MAPK6: variants seen among roughly 807,000 people sequenced by gnomAD.
MAPK6 encodes the protein ERK-3.
Under a neutral mutation model 59.3 loss-of-function variants are expected in MAPK6, and 19 were observed. That is an observed-to-expected ratio of 0.32 (90% confidence interval 0.22 to 0.47). The LOEUF is 0.47. MAPK6 is among the 20% of genes least tolerant of loss of function. MAPK6 has a pLI of 1.00. For synonymous variants in MAPK6, 316 were observed against 290.3 expected, an observed-to-expected ratio of 1.09 and a Z score of -0.90; for missense variants, 724 against 847.9, an observed-to-expected ratio of 0.85 and a Z score of 1.81.
At chr15:52,053,498 A>G (rs1190890013) in intron 3 of MAPK6, among the ~76,000 whole-genome samples, 7 of 152,242 alleles carry the variant, frequency 4.6e-5, no homozygotes, top group Non-Finnish European at 7.3e-5. Flanking sequence ...AATTCTTTAC[A>G]TAATTCTGAA....
intron 2 of MAPK6, among the ~76,000 whole-genome samples, chr15:52,000,834 A>T (rs991812693): frequency 2.0e-5 from 3 of 151,872 alleles, no homozygotes; most frequent in Non-Finnish European, 4.4e-5. Flanking sequence ...TTAGGGGTAC[A>T]GTTGTTTTTT....
At chr15:52,028,884 A>G (rs2030917197) in intron 1 of MAPK6, among the ~76,000 whole-genome samples, 1 of 152,184 alleles carries the variant, frequency 6.6e-6, no homozygotes, top group Admixed American at 6.5e-5. Context: ...TACTCTAGTC[A>G]AGGTTGCCAG....
chr15:51,996,445 G>T (rs1417285882), intron 2 of MAPK6, among the ~76,000 whole-genome samples: 2 of 152,068 alleles, frequency 1.3e-5, no homozygotes, highest in African/African-American at 4.8e-5. Context: ...ACCCAGGCTG[G>T]AGTGCAGTGG....
intron 3 of MAPK6, among the ~76,000 whole-genome samples, chr15:52,010,621 C>T (rs540922632): frequency 2.0e-5 from 3 of 150,062 alleles, no homozygotes; most frequent in South Asian, 2.1e-4. Flanking sequence ...TGGGTTCAAG[C>T]GATTCTCCTG....
intron 1 of MAPK6, among the ~76,000 whole-genome samples, chr15:52,037,340 C>A (rs2031276349): frequency 6.6e-6 from 1 of 152,178 alleles, no homozygotes; most frequent in African/African-American, 2.4e-5. Flanking sequence ...AGACCCTCAC[C>A]AGAGTTAGCT....
At chr15:51,978,727 G>C (rs1267944934) in intron 1 of MAPK6, among the ~76,000 whole-genome samples, 1 of 151,464 alleles carries the variant, frequency 6.6e-6, no homozygotes, top group Non-Finnish European at 1.5e-5. Context: ...TTGGATTTCA[G>C]AATTTTGAAA....
At chr15:52,010,130 T>G (rs1003338053) in intron 3 of MAPK6, among the ~76,000 whole-genome samples, 3 of 152,166 alleles carry the variant, frequency 2.0e-5, no homozygotes, top group Non-Finnish European at 4.4e-5. Context: ...GAGAAAATGA[T>G]AGAACGTTTG....
intron 3 of MAPK6, among the ~76,000 whole-genome samples, chr15:52,054,337 C>T (rs1178051283): frequency 7.2e-6 from 1 of 139,784 alleles, no homozygotes; most frequent in East Asian, 2.1e-4. Context: ...CACTGCACTC[C>T]AGCCTGGCCA....
At chr15:52,057,558 CAAAAA>C (rs11322169) in intron 3 of MAPK6, among the ~76,000 whole-genome samples, 3 of 149,224 alleles carry the variant, frequency 2.0e-5, no homozygotes, top group Non-Finnish European at 4.5e-5. Context: ...TCCTTTGTCT[CAAAAA>C]AAAAAAAATG....
chr15:51,998,897 A>G (rs1327430818), intron 2 of MAPK6, among the ~76,000 whole-genome samples: 1 of 148,610 alleles, frequency 6.7e-6, no homozygotes, highest in Non-Finnish European at 1.5e-5. Context: ...TCACTGTGTT[A>G]GTCAGGATGG....
At chr15:52,006,764 A>C (rs1014210978) in intron 3 of MAPK6, among the ~76,000 whole-genome samples, 1 of 152,100 alleles carries the variant, frequency 6.6e-6, no homozygotes, top group Non-Finnish European at 1.5e-5. Flanking sequence ...CCAGAGCATA[A>C]AGTGAAATTA....
intron 3 of MAPK6, among the ~76,000 whole-genome samples, chr15:52,054,079 CT>C (rs2031876063): frequency 7.3e-6 from 1 of 136,198 alleles, no homozygotes; most frequent in South Asian, 2.2e-4. Flanking sequence ...TTATAGGATT[CT>C]TATACAGCTG....
At chr15:52,021,731 CTTTATA>C (rs1346711746) in intron 1 of MAPK6, among the ~76,000 whole-genome samples, 13 of 151,948 alleles carry the variant, frequency 8.6e-5, no homozygotes, top group African/African-American at 1.5e-4. Context: ...TGAAAGTTAT[CTTTATA>C]TTTAATATTT....
chr15:52,054,806 CTG>C (rs1480496622), intron 3 of MAPK6, among the ~76,000 whole-genome samples: 2 of 151,444 alleles, frequency 1.3e-5, no homozygotes, highest in African/African-American at 2.4e-5. Flanking sequence ...TTTTCCGAGA[CTG>C]AGTCTTCCTC....
Position 52,066,369 on chromosome 15 carries a change from A to C in MAPK6, c.*1369A>C. 6.6e-6 allele frequency: 1 copy of C among 152,238 alleles called. No individual in the cohort carries two copies. The allele number at this position is 152,238 out of a possible 1,614,324, so 9.4% of individuals were successfully genotyped here. A position where few individuals can be genotyped will look rare whatever the true frequency, so the allele number is the denominator to read the frequency against. On this transcript the variant is annotated 3_prime_UTR_variant, in exon 6 of 6. Coordinates refer to ENST00000261845, the MANE Select transcript of MAPK6 (RefSeq NM_002748.4). ...CATAAATTGCTAGTCTGAAAGGCTG[A>C]GAAGGTTCAAGTCTTTTGACTTAAA...
chr15:52,015,547 G>A (rs570666541), upstream of MAPK6, among the ~76,000 whole-genome samples: 339 of 149,944 alleles, frequency 2.3e-3, no homozygotes, highest in Non-Finnish European at 2.0e-3. Flanking sequence ...GCATGATCTC[G>A]GCTCACTGCA....
intron 1 of MAPK6, among the ~76,000 whole-genome samples, chr15:52,020,256 G>A (rs1251292186): frequency 6.6e-6 from 1 of 152,206 alleles, no homozygotes; most frequent in Non-Finnish European, 1.5e-5. Flanking sequence ...GTTTCTTGGC[G>A]AGTGTAGGAC....
chr15:51,987,770 T>C (rs2057195580), intron 2 of MAPK6, among the ~76,000 whole-genome samples: 1 of 149,192 alleles, frequency 6.7e-6, no homozygotes, highest in Non-Finnish European at 1.5e-5. Flanking sequence ...TACTTTTTTT[T>C]TTTTTTTTTT....
chr15:51,988,257 C>G (rs772139767), intron 2 of MAPK6, among the ~76,000 whole-genome samples: 4 of 151,448 alleles, frequency 2.6e-5, no homozygotes, highest in Non-Finnish European at 5.9e-5. Flanking sequence ...GAGATACCCA[C>G]AGAGAAAACC....
Sources: allele counts gnomAD v4.1 joint callset (sites outside exome capture counted in the v4.1 genomes callset), GRCh38; gene constraint gnomAD v4.1.1; transcripts MANE v1.5; gene names NCBI Gene and HGNC (gene_info 2026-07-23, HGNC 2026-07-21).